Variants in GALNT13 observed in about 807,000 individuals in gnomAD.
GALNT13 encodes polypeptide N-acetylgalactosaminyltransferase 13.
A neutral mutation model predicts 64.2 loss-of-function variants in GALNT13; 28 were observed. The observed-to-expected ratio is 0.44, with a 90% CI of 0.32 to 0.60. The LOEUF is 0.60. GALNT13 is among the 20% of genes least tolerant of loss of function. The pLI is 0.05. For missense variants in GALNT13, 577 were observed against 669.8 expected (o/e 0.86, Z 1.53); for synonymous variants, 214 against 224.6 (o/e 0.95, Z 0.42).
At chr2:154,341,953 T>C (rs575461655) in intron 9 of GALNT13, among the ~76,000 whole-genome samples, 3 of 152,152 alleles carry the variant, frequency 2.0e-5, no homozygotes, top group African/African-American at 4.8e-5. Context: ...ATATGTGTTG[T>C]AAAACAAAAC....
the GALNT13 span, among the ~76,000 whole-genome samples, chr2:153,505,868 G>T: frequency 1.3e-5 from 2 of 152,122 alleles, no homozygotes; most frequent in Non-Finnish European, 2.9e-5. Context: ...TATCTGTTAA[G>T]TCCATTTGTT....
rs150298483 is a variant in GALNT13 at position 154,373,991 on chromosome 2, C to A, written c.1157-22000C>A. Among the ~76,000 whole-genome samples, 9 of 152,264 alleles carry A rather than the reference C, an allele frequency of 5.9e-5. No individual in the cohort carries two copies. In the East Asian group the frequency reaches 1.7e-3, roughly 29 times the overall value. On this transcript the variant is annotated intron_variant, in intron 9 of 12. Transcript: ENST00000392825. The stretch of plus-strand genomic sequence containing the variant: ...CAAAATTTGCTACAACTCCTCAAAG[C>A]CTTTTGTGAGTGCCTCCTTCAGACT...
At chr2:154,413,141 C>G (rs1364707375) in intron 11 of GALNT13, among the ~76,000 whole-genome samples, 1 of 151,846 alleles carries the variant, frequency 6.6e-6, no homozygotes, top group Non-Finnish European at 1.5e-5. Context: ...GCCCCAACCT[C>G]TCTCCTGAGC....
At chr2:153,925,751 T>C (rs1690090129) in intron 2 of GALNT13, among the ~76,000 whole-genome samples, 1 of 152,132 alleles carries the variant, frequency 6.6e-6, no homozygotes, top group South Asian at 2.1e-4. Flanking sequence ...TGCTTTGTAG[T>C]TCCCCTTGAA....
At chr2:154,202,633 T>C (rs1441959530) in intron 4 of GALNT13, among the ~76,000 whole-genome samples, 2 of 152,148 alleles carry the variant, frequency 1.3e-5, no homozygotes, top group Non-Finnish European at 2.9e-5. Context: ...TTCTTCACTA[T>C]GAAGATTTTA....
At chr2:153,689,156 C>T in the GALNT13 span, among the ~76,000 whole-genome samples, 1 of 151,628 alleles carries the variant, frequency 6.6e-6, no homozygotes, top group Admixed American at 6.6e-5. Flanking sequence ...ACCAATTAAT[C>T]TTCCTACCAG....
chr2:153,797,821 G>A, the GALNT13 span, among the ~76,000 whole-genome samples: 1 of 152,270 alleles, frequency 6.6e-6, no homozygotes, highest in Admixed American at 6.5e-5. Context: ...GCTGGCCTAT[G>A]CCCACTGAAG....
chr2:153,872,621 G>GC (rs1181289845), intron 1 of GALNT13, among the ~76,000 whole-genome samples: 8 of 91,540 alleles, frequency 8.7e-5, no homozygotes, highest in East Asian at 3.1e-4. Flanking sequence ...GTTGGTGGCG[G>GC]GGGGGGGGGG....
At chr2:153,301,839 G>A in the GALNT13 span, among the ~76,000 whole-genome samples, 1 of 151,836 alleles carries the variant, frequency 6.6e-6, no homozygotes, top group Non-Finnish European at 1.5e-5. Context: ...ATAAATGACA[G>A]GATTTCCTGC....
In GALNT13 at chr2:153,970,237, C is replaced by A. The variant is rs142239152; in HGVS notation, c.142+25598C>A. Among the ~76,000 whole-genome samples the A allele has an allele frequency of 6.2e-4, 95 of 152,332 alleles. 2 individuals carry two copies. The East Asian group carries it at 0.016, about 25-fold the overall frequency. Reference sequence around the variant, plus strand: ...TTCATCAGAAATGCTTTTATTAATACCACTTATTGTTTCCATATTGCTAAG... The same window carrying A: ...TTCATCAGAAATGCTTTTATTAATAACACTTATTGTTTCCATATTGCTAAG... On this transcript the variant is annotated intron_variant, in intron 3 of 12. Coordinates refer to ENST00000392825, the MANE Select transcript of GALNT13 (RefSeq NM_052917.4).
At position 154,166,748 on chromosome 2, in the gene GALNT13, C is replaced by T. The variant is rs1056273102; in HGVS notation, c.311+26243C>T. ...AACCCAGATGTCCATCAGTGATAGA[C>T]TGGATTAAGAAAATGTGGCACATAT... On this transcript the variant is annotated intron_variant, in intron 4 of 12. Transcript: ENST00000392825. Among the ~76,000 whole-genome samples the T allele has an allele frequency of 2.6e-4, 40 of 152,254 alleles. 1 individual carries two copies. The South Asian group carries it at 3.5e-3, about 13-fold the overall frequency.
chr2:154,232,921 A>C (rs1177284466), intron 4 of GALNT13, among the ~76,000 whole-genome samples: 1 of 151,204 alleles, frequency 6.6e-6, no homozygotes, highest in Non-Finnish European at 1.5e-5. Context: ...ATGTGCCTGT[A>C]GTCCCAGCTA....
the GALNT13 span, among the ~76,000 whole-genome samples, chr2:153,668,302 T>C: frequency 1.3e-5 from 2 of 152,140 alleles, no homozygotes; most frequent in African/African-American, 4.8e-5. Context: ...TTATAGAATA[T>C]ACATTCTTCT....
chr2:153,819,594 C>T, the GALNT13 span, among the ~76,000 whole-genome samples: 2 of 152,196 alleles, frequency 1.3e-5, no homozygotes, highest in Admixed American at 6.5e-5. Context: ...CATGGAACAA[C>T]ACTGTCCAGC....
At chr2:154,301,646 T>C in intron 9 of GALNT13, 57 bp downstream of exon 9, 8 of 1,092,588 alleles carry the variant, frequency 7.3e-6, no homozygotes, top group Non-Finnish European at 1.1e-5. Context: ...TGAAACATAC[T>C]GAATATGTGT....
the GALNT13 span, among the ~76,000 whole-genome samples, chr2:153,733,900 A>G: frequency 6.6e-6 from 1 of 152,202 alleles, no homozygotes; most frequent in African/African-American, 2.4e-5. Context: ...CCCCTCTGCT[A>G]TGCAACAGTG....
intron 3 of GALNT13, among the ~76,000 whole-genome samples, chr2:154,038,418 AC>A (rs543625978): frequency 9.5e-4 from 145 of 152,278 alleles, no homozygotes; most frequent in African/African-American, 3.3e-3. Flanking sequence ...AAAAACAGAC[AC>A]ATAGACCAAT....
At chr2:153,884,882 C>G (rs974107584) in intron 1 of GALNT13, among the ~76,000 whole-genome samples, 1 of 128,714 alleles carries the variant, frequency 7.8e-6, no homozygotes, top group East Asian at 2.3e-4. Context: ...CACACACACA[C>G]ACATTTTTTA....
At chr2:154,130,746 T>C (rs1682562965) in intron 3 of GALNT13, among the ~76,000 whole-genome samples, 1 of 152,240 alleles carries the variant, frequency 6.6e-6, no homozygotes, top group Admixed American at 6.5e-5. Flanking sequence ...AATGCAGTAC[T>C]CTTTTCTTTA....
Sources: allele counts gnomAD v4.1 joint callset (sites outside exome capture counted in the v4.1 genomes callset), GRCh38; gene constraint gnomAD v4.1.1; transcripts MANE v1.5; gene names NCBI Gene and HGNC (gene_info 2026-07-23, HGNC 2026-07-21).